ASMTL: variants seen among roughly 807,000 people sequenced by gnomAD.
ASMTL encodes the protein acetylserotonin O-methyltransferase like.
ASMTL carries 57 observed loss-of-function variants against 60.3 expected under a neutral mutation model. The observed-to-expected ratio is 0.95, with a 90% CI of 0.76 to 1.18. The LOEUF (loss-of-function observed/expected upper bound fraction) is 1.18. Ranked by LOEUF, ASMTL falls within the 50% of genes most tolerant of loss-of-function variation. ASMTL has a pLI of 0.00. For missense variants in ASMTL, 981 were observed against 852.6 expected (o/e 1.15, Z -1.88); for synonymous variants, 419 against 373.0 (o/e 1.12, Z -1.42).
chrX:1,433,501 T>TA (rs35959333), intron 5 of ASMTL, among the ~76,000 whole-genome samples: 44,801 of 99,076 alleles, frequency 0.45, 11,409 homozygotes, highest in East Asian at 0.66. Flanking sequence ...CCGTCTCTAC[T>TA]AAAAAAAAAA....
intron 5 of ASMTL, 149 bp downstream of exon 5, chrX:1,434,873 G>T: frequency 2.7e-6 from 2 of 746,934 alleles, no homozygotes; most frequent in African/African-American, 3.5e-5. Flanking sequence ...CCAAATCGGC[G>T]GACAACTTTC....
upstream of ASMTL, among the ~76,000 whole-genome samples, chrX:1,453,238 CG>C: frequency 1.3e-5 from 2 of 150,770 alleles, no homozygotes; most frequent in African/African-American, 4.9e-5. Flanking sequence ...TTGACCGCTC[CG>C]CCAGGCCACG....
Position 1,427,756 on chromosome X carries a change from A to C in ASMTL, c.875T>G (p.Ile292Ser), listed in dbSNP as rs201578500. 122 of 1,611,864 alleles carry C rather than the reference A, an allele frequency of 7.6e-5. No individual in the cohort carries two copies. In the East Asian group the frequency reaches 2.5e-3, roughly 32 times the overall value. The stretch of plus-strand genomic sequence containing the variant: ...TACCTTGGATAGCATAAAGCCCTCA[A>C]TCAGCTCCAGGAGGCGTGTCGGGAA... ...PPFPTRLLEL[I>S]EGFMLSKGLL... Residue 292 changes from isoleucine (I) to serine (S), a missense_variant, in exon 7 of 13, where the codon ATT becomes AGT. Transcript: ENST00000381317.
rs1431854133 is a variant in ASMTL, at chrX:1,403,556, G to A, written c.1646-67C>T. ...CGGGGATCCTTCAGCAGGACACAGG[G>A]GACACAGCAGGCAACAGGAGCTCAG... is the stretch of plus-strand genomic sequence containing the variant. On this transcript the variant is annotated intron_variant, in intron 12 of 12. Coordinates refer to ENST00000381317, the MANE Select transcript of ASMTL (RefSeq NM_004192.4). 11 of 1,435,780 alleles carry A rather than the reference G, an allele frequency of 7.7e-6. No individual in the cohort carries two copies. In the Admixed American group the frequency reaches 1.7e-4, roughly 22 times the overall value. The allele number at this position is 1,435,780 out of a possible 1,614,324, so 88.9% of individuals were successfully genotyped here. A position where few individuals can be genotyped will look rare whatever the true frequency, so the allele number is the denominator to read the frequency against.
At chrX:1,446,081 C>G (rs1459858377) in intron 1 of ASMTL, among the ~76,000 whole-genome samples, 1 of 152,198 alleles carries the variant, frequency 6.6e-6, no homozygotes, top group East Asian at 1.9e-4. Flanking sequence ...ATGTTCCATC[C>G]TGTACACCTG....
chrX:1,418,084 G>A lies in ASMTL; in HGVS notation c.1411C>T (p.Arg471Cys), dbSNP rs748954134. 2.0e-5 allele frequency: 32 copies of A among 1,611,680 alleles called. No homozygotes were observed. Among genetic ancestry groups the A allele is most frequent in the East Asian group, 4.5e-5 (2 of 44,836 alleles). The change falls in exon 11 of 13, where the codon CGT becomes TGT. Residue 471 changes from arginine (R) to cysteine (C), a missense_variant. Coordinates refer to ENST00000381317, the MANE Select transcript of ASMTL (RefSeq NM_004192.4). ...GTCACCTGCATACGAGGGTACTCAC[G>A]GGCCAGCTCTCGGGCCAGTGCACCC... ...CTGALARELA[R>C]EYPRMQVTVF...
At chrX:1,421,284 A>G (rs1192026945) in intron 9 of ASMTL, among the ~76,000 whole-genome samples, 1 of 151,862 alleles carries the variant, frequency 6.6e-6, no homozygotes, top group Admixed American at 6.6e-5. Flanking sequence ...AATTTTTTGT[A>G]GAGATGGGGG....
At position 1,452,882 on chromosome X, in the gene ASMTL, G is replaced by C; in HGVS notation, c.-42C>G. On this transcript the variant is annotated 5_prime_UTR_variant, in exon 1 of 13. Coordinates refer to ENST00000381317, the MANE Select transcript of ASMTL (RefSeq NM_004192.4). ...GCCGGGCGTCCGCACTTCTGAGCCCGGAGCCCGCGGTGCGCGCAGCGCGGC... is the reference window on the plus strand; with the variant it reads ...GCCGGGCGTCCGCACTTCTGAGCCCCGAGCCCGCGGTGCGCGCAGCGCGGC... 7.0e-7 allele frequency: 1 copy of C among 1,429,516 alleles called. No individual in the cohort carries two copies. The highest frequency in any genetic ancestry group is 9.3e-7 in the Non-Finnish European group (1 of 1,074,520). 88.6% of individuals were successfully genotyped at this position (1,429,516 alleles called of 1,614,324 possible).
Position 1,412,781 on chromosome X carries a change from G to C in ASMTL, c.1596C>G (p.Asp532Glu). 3.1e-6 allele frequency: 5 copies of C among 1,613,928 alleles called. No individual in the cohort carries two copies. Among genetic ancestry groups the C allele is most frequent in the Non-Finnish European group, 4.2e-6 (5 of 1,179,838 alleles). The change falls in exon 12 of 13, where the codon GAC becomes GAG. Residue 532 changes from aspartate to glutamate, a missense_variant. Asp to Glu is a conservative substitution (Grantham distance 45). Coordinates refer to ENST00000381317, the MANE Select transcript of ASMTL (RefSeq NM_004192.4). ...VLCRILHDWP[D>E]DKVHKLLSRV... Reference sequence around the variant, plus strand: ...TGCTGAGTAACTTGTGGACTTTGTCGTCTGGCCAGTCATGCAGGATCCGGC... The same window carrying C: ...TGCTGAGTAACTTGTGGACTTTGTCCTCTGGCCAGTCATGCAGGATCCGGC...
At chrX:1,426,798 AC>A (rs1405807804) in intron 7 of ASMTL, among the ~76,000 whole-genome samples, 2 of 151,584 alleles carry the variant, frequency 1.3e-5, no homozygotes, top group Non-Finnish European at 2.9e-5. Flanking sequence ...ATCTGCTAAG[AC>A]CCCTTTTTAA....
chrX:1,416,677 A>G (rs1354750609), intron 11 of ASMTL, among the ~76,000 whole-genome samples: 1 of 151,186 alleles, frequency 6.6e-6, no homozygotes, highest in African/African-American at 2.4e-5. Flanking sequence ...CACACACACA[A>G]ACGCAGATGC....
At chrX:1,417,807 AG>A in intron 11 of ASMTL, 165 bp downstream of exon 11, 1 of 39,062 alleles carries the variant, frequency 2.6e-5, no homozygotes, top group Non-Finnish European at 3.8e-5. Context: ...ATGCACACAG[AG>A]AGACACACAC....
chrX:1,411,998 A>G (rs1218244820), intron 12 of ASMTL, among the ~76,000 whole-genome samples: 1 of 151,286 alleles, frequency 6.6e-6, no homozygotes, highest in African/African-American at 2.4e-5. Context: ...TTTGTTTTTA[A>G]TAGAGACGGG....
At chrX:1,407,485 G>A (rs1189995710) in intron 12 of ASMTL, among the ~76,000 whole-genome samples, 4 of 151,686 alleles carry the variant, frequency 2.6e-5, no homozygotes, top group Admixed American at 2.0e-4. Flanking sequence ...ATAGATGGAT[G>A]CATGGATGAG....
chrX:1,420,317 G>C (rs867889565), intron 9 of ASMTL, among the ~76,000 whole-genome samples: 1 of 139,618 alleles, frequency 7.2e-6, no homozygotes, highest in East Asian at 2.1e-4. Context: ...CTATCTCCCT[G>C]TCTCTGTCTG....
At chrX:1,447,359 A>G (rs1397429525) in intron 1 of ASMTL, among the ~76,000 whole-genome samples, 1 of 151,334 alleles carries the variant, frequency 6.6e-6, no homozygotes. Flanking sequence ...GACACACAAC[A>G]TCTTGGACAC....
intron 5 of ASMTL, 24 bp downstream of exon 5, chrX:1,434,998 C>A (rs753101510): frequency 8.7e-6 from 14 of 1,613,210 alleles, no homozygotes; most frequent in Non-Finnish European, 4.2e-6. Context: ...TCTGGGGCTA[C>A]CCCGAAACCT....
chrX:1,403,309 C>T lies in ASMTL; in HGVS notation c.1826G>A (p.Gly609Asp). The T allele has an allele frequency of 6.2e-7, 1 of 1,613,028 alleles. No homozygotes were observed. The highest frequency in any genetic ancestry group is 8.5e-7 in the Non-Finnish European group (1 of 1,179,740). The change falls in exon 13 of 13, where the codon GGT (glycine) becomes GAT (aspartate). Residue 609 changes from glycine to aspartate, a missense_variant. By Grantham distance (94) the Gly-to-Asp change is moderately conservative (BLOSUM62 -1). Transcript: ENST00000381317. ...GGTGGCCAAGATGGCATCCAGGACACCCCCCAAGTGCACCACCTGCACCTG... is the reference window on the plus strand; with the variant it reads ...GGTGGCCAAGATGGCATCCAGGACATCCCCCAAGTGCACCACCTGCACCTG... ...FHQVQVVHLG[G>D]VLDAILATKV...
At chrX:1,432,122 C>T (rs1259354318) in intron 6 of ASMTL, 147 bp downstream of exon 6, 13 of 655,772 alleles carry the variant, frequency 2.0e-5, no homozygotes, top group Non-Finnish European at 3.5e-5. Flanking sequence ...AGGGTTTGTG[C>T]TTCTGAGCCG....
Sources: gnomAD v4.1 joint callset for allele counts (sites outside exome capture counted in the v4.1 genomes callset) on GRCh38, gnomAD v4.1.1 for gene constraint, MANE v1.5 for transcripts, NCBI Gene and HGNC (gene_info 2026-07-23, HGNC 2026-07-21) for gene names.